Variants in IMMP2L observed in about 807,000 individuals in gnomAD.
IMMP2L encodes mitochondrial inner membrane protease subunit 2.
IMMP2L carries 18 observed loss-of-function variants against 19.3 expected under a neutral mutation model. That is an observed-to-expected ratio of 0.93 (90% CI 0.64 to 1.38). The LOEUF (loss-of-function observed/expected upper bound fraction) is 1.38. IMMP2L is among the 40% of genes most tolerant of loss of function. IMMP2L has a pLI of 0.00. For missense variants in IMMP2L, 233 were observed against 218.2 expected (o/e 1.07, Z -0.43); for synonymous variants, 76 against 73.0 (o/e 1.04, Z -0.21).
chr7:111,249,526 G>A (rs1436275714), intron 3 of IMMP2L, among the ~76,000 whole-genome samples: 4 of 151,920 alleles, frequency 2.6e-5, no homozygotes, highest in Non-Finnish European at 5.9e-5. Flanking sequence ...GTTCCTATTC[G>A]GCCATCTTGG....
intron 5 of IMMP2L, among the ~76,000 whole-genome samples, chr7:110,847,921 T>C (rs1462126641): frequency 6.6e-6 from 1 of 151,944 alleles, no homozygotes; most frequent in Non-Finnish European, 1.5e-5. Context: ...TCAAAATCAA[T>C]CATAGACCTA....
chr7:110,886,122 A>C (rs1270872060), intron 5 of IMMP2L, among the ~76,000 whole-genome samples: 2 of 152,058 alleles, frequency 1.3e-5, no homozygotes, highest in Non-Finnish European at 2.9e-5. Flanking sequence ...TCTCAGGCCC[A>C]GCTGGGACCC....
intron 5 of IMMP2L, among the ~76,000 whole-genome samples, chr7:110,850,152 T>C (rs932860744): frequency 6.6e-6 from 1 of 151,878 alleles, no homozygotes; most frequent in Non-Finnish European, 1.5e-5. Context: ...AAAAAAGAGC[T>C]ATATATCAGC....
chr7:111,174,787 A>G (rs778393463), intron 3 of IMMP2L, among the ~76,000 whole-genome samples: 15 of 151,850 alleles, frequency 9.9e-5, no homozygotes, highest in Non-Finnish European at 2.1e-4. Context: ...ATATTCTGAA[A>G]TCAATACTTG....
At chr7:111,159,021 T>C (rs182113792) in intron 3 of IMMP2L, among the ~76,000 whole-genome samples, 226 of 152,328 alleles carry the variant, frequency 1.5e-3, no homozygotes, top group Non-Finnish European at 2.4e-3. Context: ...AGTTCTAAAC[T>C]AGGTCACATA....
chr7:111,288,179 T>C (rs958085480), intron 3 of IMMP2L, among the ~76,000 whole-genome samples: 5 of 152,122 alleles, frequency 3.3e-5, no homozygotes, highest in African/African-American at 4.8e-5. Flanking sequence ...CATTCAATTG[T>C]AGATATGCAG....
rs185888957 is a variant in IMMP2L, at chr7:111,363,990, C to T, written c.239+123248G>A. Among the ~76,000 whole-genome samples the T allele has an allele frequency of 1.8e-4, 27 of 151,920 alleles. No individual in the cohort carries two copies. The East Asian group carries it at 4.6e-3, about 26-fold the overall frequency. ...GTAATCTTCTTTTCCAGAAAACTTTCATGTAAGATCCCCCCCCACACACAC... is the reference window on the plus strand; with the variant it reads ...GTAATCTTCTTTTCCAGAAAACTTTTATGTAAGATCCCCCCCCACACACAC... On this transcript the variant is annotated intron_variant, in intron 3 of 5. Coordinates refer to ENST00000405709, the MANE Select transcript of IMMP2L (RefSeq NM_032549.4).
At chr7:111,260,168 A>T (rs953840234) in intron 3 of IMMP2L, among the ~76,000 whole-genome samples, 1 of 152,220 alleles carries the variant, frequency 6.6e-6, no homozygotes, top group Admixed American at 6.5e-5. Flanking sequence ...ATCATGATCA[A>T]GGATTACGTA....
chr7:111,307,196 T>C (rs115467765), intron 3 of IMMP2L, among the ~76,000 whole-genome samples: 5,084 of 151,734 alleles, frequency 0.034, 280 homozygotes, highest in African/African-American at 0.11. Flanking sequence ...TATTGATATA[T>C]TCCAGAATTT....
intron 3 of IMMP2L, among the ~76,000 whole-genome samples, chr7:111,062,164 A>G (rs752562976): frequency 2.2e-4 from 33 of 152,200 alleles, no homozygotes; most frequent in Non-Finnish European, 4.3e-4. Context: ...CAATTTACAA[A>G]AGAAAGGAAT....
chr7:111,335,726 A>G (rs974799037), intron 3 of IMMP2L, among the ~76,000 whole-genome samples: 6 of 152,272 alleles, frequency 3.9e-5, no homozygotes, highest in Middle Eastern at 3.4e-3. Flanking sequence ...ACAACATGGA[A>G]AGTTCTCTAA....
At position 111,281,184 on chromosome 7, in the gene IMMP2L, A is replaced by C. The variant is rs868268616; in HGVS notation, c.239+206054T>G. Among the ~76,000 whole-genome samples the C allele has an allele frequency of 6.2e-4, 41 of 66,094 alleles. 1 individual carries two copies. The highest frequency in any genetic ancestry group is 9.3e-4 in the Non-Finnish European group (32 of 34,254). 43.4% of individuals were successfully genotyped at this position (66,094 alleles called of 152,430 possible). On this transcript the variant is annotated intron_variant, in intron 3 of 5. Transcript: ENST00000405709. ...AAAGAAAGAAAGAAAGAAAGAAAGA[A>C]AGAAAGAAAGAAAGAAAGAAAGAAA...
At chr7:110,809,696 T>G (rs1424637976) in intron 5 of IMMP2L, among the ~76,000 whole-genome samples, 1 of 152,020 alleles carries the variant, frequency 6.6e-6, no homozygotes, top group Admixed American at 6.6e-5. Context: ...TAAAATGAAG[T>G]TCTTCAAAAC....
chr7:111,070,611 GAAATAC>G (rs1794870949), intron 3 of IMMP2L, among the ~76,000 whole-genome samples: 1 of 152,116 alleles, frequency 6.6e-6, no homozygotes, highest in Non-Finnish European at 1.5e-5. Flanking sequence ...CCTCATCCAA[GAAATAC>G]TAATTGAGTT....
chr7:110,837,470 T>G (rs1804613578), intron 5 of IMMP2L, among the ~76,000 whole-genome samples: 1 of 151,988 alleles, frequency 6.6e-6, no homozygotes. Flanking sequence ...CATATTAAAA[T>G]AAAGAAGGAC....
intron 3 of IMMP2L, among the ~76,000 whole-genome samples, chr7:111,271,124 C>T (rs907696918): frequency 1.3e-5 from 2 of 152,068 alleles, no homozygotes; most frequent in Admixed American, 6.6e-5. Context: ...AGTGAGTTCT[C>T]ATGAGATCTA....
At chr7:110,715,866 T>C (rs1795203361) in intron 5 of IMMP2L, among the ~76,000 whole-genome samples, 1 of 152,124 alleles carries the variant, frequency 6.6e-6, no homozygotes, top group Non-Finnish European at 1.5e-5. Flanking sequence ...GATGTTAAAG[T>C]CTCCCACTAT....
chr7:111,105,082 T>G (rs939655004), intron 3 of IMMP2L, among the ~76,000 whole-genome samples: 1 of 151,988 alleles, frequency 6.6e-6, no homozygotes, highest in South Asian at 2.1e-4. Flanking sequence ...CCTATTTCCT[T>G]ACTAAAGGTC....
chr7:110,721,788 C>T (rs916500405), intron 5 of IMMP2L, among the ~76,000 whole-genome samples: 8 of 151,880 alleles, frequency 5.3e-5, no homozygotes, highest in African/African-American at 1.5e-4. Context: ...GTGTGCTTAC[C>T]GGAAGGGACT....
Sources: gnomAD v4.1 joint callset for allele counts (sites outside exome capture counted in the v4.1 genomes callset) on GRCh38, gnomAD v4.1.1 for gene constraint, MANE v1.5 for transcripts, NCBI Gene and HGNC (gene_info 2026-07-23, HGNC 2026-07-21) for gene names.